The following MTA2 variants were observed in gnomAD, a reference collection of about 807,000 sequenced individuals.
MTA2 encodes the protein metastasis-associated protein MTA2.
In MTA2, 22 loss-of-function variants were observed where a neutral mutation model predicts 87.1. The observed-to-expected ratio is 0.25, with a 90% CI of 0.18 to 0.36. The LOEUF (loss-of-function observed/expected upper bound fraction) is 0.36, where lower values mean the gene tolerates loss of function less well. MTA2 is among the 10% of genes least tolerant of loss of function. The pLI is 1.00. For synonymous variants in MTA2, 314 were observed against 310.1 expected, an observed-to-expected ratio of 1.01 and a Z score of -0.13; for missense variants, 542 against 853.2, an observed-to-expected ratio of 0.64 and a Z score of 4.54.
rs1448739427 is a variant in MTA2, at chr11:62,596,269, CCA to C, written c.1016+8_1016+9del. The C allele has an allele frequency of 1.2e-6, 2 of 1,613,794 alleles. No individual in the cohort carries two copies. The highest frequency in any genetic ancestry group is 2.7e-5 in the African/African-American group (2 of 74,932). On this transcript the variant is annotated splice_region_variant and intron_variant, in intron 11 of 17. Coordinates refer to ENST00000278823, the MANE Select transcript of MTA2 (RefSeq NM_004739.4). Reference sequence around the variant, plus strand: ...AAAACACTCTGGTCTCCCCTACCCACCACACTTACTAGGTGGGAATGTAGACC... The same window carrying C: ...AAAACACTCTGGTCTCCCCTACCCACCACTTACTAGGTGGGAATGTAGACC...
Position 62,593,764 on chromosome 11 carries a change from T to C in MTA2, c.*111A>G. 1 of 1,373,946 alleles carries C rather than the reference T, an allele frequency of 7.3e-7. No homozygotes were observed. Among genetic ancestry groups the C allele is most frequent in the Non-Finnish European group, 1.0e-6 (1 of 1,000,728 alleles). The allele number at this position is 1,373,946 out of a possible 1,614,324, so 85.1% of individuals were successfully genotyped here. On this transcript the variant is annotated 3_prime_UTR_variant, in exon 18 of 18. Transcript: ENST00000278823. ...CCTCCAGGGACACACACTCACTTGC[T>C]CTCTTCCTTAATTCACTCCTCACTC...
At chr11:62,601,285 CCCGGTT>C (rs911154429) in intron 1 of MTA2, 132 bp downstream of exon 1, 24 of 1,116,822 alleles carry the variant, frequency 2.1e-5, no homozygotes, top group African/African-American at 1.1e-4. Flanking sequence ...CTCCTCGTCT[CCCGGTT>C]CCGGTTCCGG....
Position 62,601,522 on chromosome 11 carries a change from G to A in MTA2, c.-72C>T. ...CTCGCGGGGGCAGGGCTCGGCTCGA[G>A]GCAAAGCCCCGAACGGTGGGCTGCC... On this transcript the variant is annotated 5_prime_UTR_variant, in exon 1 of 18. Transcript: ENST00000278823. 6.5e-7 allele frequency: 1 copy of A among 1,545,164 alleles called. No individual in the cohort carries two copies. Among genetic ancestry groups the A allele is most frequent in the South Asian group, 1.2e-5 (1 of 84,078 alleles).
rs1942092511 is a variant in MTA2 at position 62,595,927 on chromosome 11, G to A, written c.1115-36C>T. 2 of 1,613,954 alleles carry A rather than the reference G, an allele frequency of 1.2e-6. No individual in the cohort carries two copies. Among genetic ancestry groups the A allele is most frequent in the African/African-American group, 2.7e-5 (2 of 74,908 alleles). On this transcript the variant is annotated intron_variant, in intron 12 of 17. Coordinates refer to ENST00000278823, the MANE Select transcript of MTA2 (RefSeq NM_004739.4). The surrounding 1 kb of genome is among the most constrained non-coding windows in gnomAD (Gnocchi z 4.9). ...CGGAGAGGAGGGGGACAGGGAAGAAGCATACTACCTAAGCCCCTCAGATTC... is the reference window on the plus strand; with the variant it reads ...CGGAGAGGAGGGGGACAGGGAAGAAACATACTACCTAAGCCCCTCAGATTC...
intron 1 of MTA2, chr11:62,601,107 C>A (rs771120718): frequency 1.9e-6 from 1 of 519,530 alleles, no homozygotes; most frequent in Non-Finnish European, 3.4e-6. Flanking sequence ...GTCGCCCCAG[C>A]CCCTCGCGTT....
At chr11:62,601,156 A>T in intron 1 of MTA2, 1 of 528,750 alleles carries the variant, frequency 1.9e-6, no homozygotes, top group Non-Finnish European at 3.3e-6. Flanking sequence ...ACCGGTTCCG[A>T]AGGCCACTCC....
At position 62,595,126 on chromosome 11, in the gene MTA2, G is replaced by A. The variant is rs1282370738; in HGVS notation, c.1484-56C>T. ...GCTTCACCATTCAGGTCTCCTCTAA[G>A]GCCAGAAGCCAACTCTAATCTTAAA... On this transcript the variant is annotated intron_variant, in intron 14 of 17. Coordinates refer to ENST00000278823, the MANE Select transcript of MTA2 (RefSeq NM_004739.4). This position sits in a 1 kb window ranked among gnomAD's most constrained non-coding sequence, Gnocchi z 4.9. 2 of 1,577,458 alleles carry A rather than the reference G, an allele frequency of 1.3e-6. No homozygotes were observed. Among genetic ancestry groups the A allele is most frequent in the Non-Finnish European group, 1.7e-6 (2 of 1,152,584 alleles).
At chr11:62,597,206 C>CAAACA in intron 8 of MTA2, 110 bp downstream of exon 8, 1 of 658,692 alleles carries the variant, frequency 1.5e-6, no homozygotes. Flanking sequence ...ACAAAACAAA[C>CAAACA]AAAAAAAAAA....
In MTA2 at chr11:62,594,570, C is replaced by G. The variant is rs780820363; in HGVS notation, c.1638G>C (p.Gln546His). 1 of 1,614,168 alleles carries G rather than the reference C, an allele frequency of 6.2e-7. No homozygotes were observed. Among genetic ancestry groups the G allele is most frequent in the South Asian group, 1.1e-5 (1 of 91,082 alleles). Residue 546 changes from glutamine to histidine, a missense_variant, in exon 16 of 18, where the codon CAG becomes CAC. Transcript: ENST00000278823. ...RGTKTPINRN[Q>H]LSQNRGLGGI... is the part of the protein sequence containing the mutation. ...CCCCCAGTCCCCGGTTCTGGGACAG[C>G]TGGTTTCTGTTGATCGGTGTCTTGG...
chr11:62,595,897 G>C lies in MTA2; in HGVS notation c.1115-6C>G. ...CCACTGAGCAGACTGTGTGGCTGTA[G>C]AGTACGGAGAGGAGGGGGACAGGGA... On this transcript the variant is annotated splice_polypyrimidine_tract_variant and splice_region_variant and intron_variant, in intron 12 of 17. Coordinates refer to ENST00000278823, the MANE Select transcript of MTA2 (RefSeq NM_004739.4). The surrounding 1 kb of genome is among the most constrained non-coding windows in gnomAD (Gnocchi z 4.9). 3.7e-6 allele frequency: 6 copies of C among 1,614,128 alleles called. No homozygotes were observed. The highest frequency in any genetic ancestry group is 5.1e-6 in the Non-Finnish European group (6 of 1,180,026).
intron 6 of MTA2, 52 bp from the exon 7 acceptor site, chr11:62,597,764 G>T: frequency 6.8e-7 from 1 of 1,476,720 alleles, no homozygotes; most frequent in South Asian, 1.2e-5. Flanking sequence ...GGGAACAGTT[G>T]GTGTCTTTTC....
chr11:62,593,808 A>C lies in MTA2; in HGVS notation c.*67T>G. On this transcript the variant is annotated 3_prime_UTR_variant, in exon 18 of 18. Transcript: ENST00000278823. ...CTCACTCCCTTCGACACGAAAGGGA[A>C]GGGAGGTTTGGGTGCCCTGGGCATC... 1 of 1,579,828 alleles carries C rather than the reference A, an allele frequency of 6.3e-7. No individual in the cohort carries two copies. Among genetic ancestry groups the C allele is most frequent in the East Asian group, 2.2e-5 (1 of 44,540 alleles).
chr11:62,597,225 C>T (rs1942111384), intron 8 of MTA2, 91 bp downstream of exon 8: 3 of 841,654 alleles, frequency 3.6e-6, no homozygotes, highest in Admixed American at 3.0e-5. Flanking sequence ...AACACTCCCA[C>T]TCCCTCAGAG....
chr11:62,597,288 G>A (rs938868981), intron 8 of MTA2, 28 bp downstream of exon 8: 2 of 1,549,008 alleles, frequency 1.3e-6, no homozygotes, highest in Non-Finnish European at 1.8e-6. Context: ...AACCCAGCCT[G>A]CCCAACTACC....
Position 62,597,432 on chromosome 11 carries a change from GAAGTCAAAAGCGAAAGAA to G in MTA2, c.594-35_594-18del. The G allele has an allele frequency of 1.2e-6, 2 of 1,602,156 alleles. No homozygotes were observed. The highest frequency in any genetic ancestry group is 2.2e-5 in the East Asian group (1 of 44,832). On this transcript the variant is annotated intron_variant, in intron 7 of 17. Transcript: ENST00000278823. ...CCCACAGCTCTAAGGGAGAAATTGA[GAAGTCAAAAGCGAAAGAA>G]AAGTCAAAAGCCCAAGTGGGCTGGG... is the stretch of plus-strand genomic sequence containing the variant.
intron 3 of MTA2, among the ~76,000 whole-genome samples, chr11:62,598,936 G>A (rs1331839208): frequency 6.6e-6 from 1 of 152,104 alleles, no homozygotes; most frequent in Non-Finnish European, 1.5e-5. Flanking sequence ...GTCCACAACG[G>A]GCCAGCAAGA....
chr11:62,600,665 G>C lies in MTA2; in HGVS notation c.53C>G (p.Ser18Cys), dbSNP rs1330441097. 6.2e-7 allele frequency: 1 copy of C among 1,613,858 alleles called. No homozygotes were observed. Among genetic ancestry groups the C allele is most frequent in the East Asian group, 2.2e-5 (1 of 44,894 alleles). The change falls in exon 2 of 18, where the codon TCC becomes TGC. Residue 18 changes from serine (S) to cysteine (C), a missense_variant. By Grantham distance (112) the Ser-to-Cys change is moderately radical. Coordinates refer to ENST00000278823, the MANE Select transcript of MTA2 (RefSeq NM_004739.4). Reference protein sequence around the residue: ...VGDYVYFENSSSNPYLVRRIE... With the variant: ...VGDYVYFENSCSNPYLVRRIE... ...CCGTCTAACCAGGTAAGGATTGCTGGAAGAGTTCTCAAAATAGACGTAATC... is the reference window on the plus strand; with the variant it reads ...CCGTCTAACCAGGTAAGGATTGCTGCAAGAGTTCTCAAAATAGACGTAATC...
At chr11:62,601,036 G>A (rs915253352) in intron 1 of MTA2, 3 of 490,766 alleles carry the variant, frequency 6.1e-6, no homozygotes, top group Non-Finnish European at 1.1e-5. Flanking sequence ...TTCGAATCGA[G>A]GCGCACAATA....
In MTA2 at chr11:62,598,114, C is replaced by T; in HGVS notation, c.400G>A (p.Asp134Asn). 6.2e-7 allele frequency: 1 copy of T among 1,613,984 alleles called. No homozygotes were observed. The highest frequency in any genetic ancestry group is 1.1e-5 in the South Asian group (1 of 91,062). The change falls in exon 6 of 18, where the codon GAC (aspartate) becomes AAC (asparagine). Residue 134 changes from aspartate (D) to asparagine (N), a missense_variant. Transcript: ENST00000278823. Reference sequence around the variant, plus strand: ...GCGAGAAGTGTCTTCTGCACGGGGTCAAACACCAGTGAGTAAAAAAAGCAG... The same window carrying T: ...GCGAGAAGTGTCTTCTGCACGGGGTTAAACACCAGTGAGTAAAAAAAGCAG... ...EDCFFYSLVF[D>N]PVQKTLLADQ...
Sources: allele counts gnomAD v4.1 joint callset (sites outside exome capture counted in the v4.1 genomes callset), GRCh38; gene constraint gnomAD v4.1.1; non-coding constraint Gnocchi (gnomAD v3.1); transcripts MANE v1.5; gene names NCBI Gene and HGNC (gene_info 2026-07-23, HGNC 2026-07-21).